The following TBC1D1 variants were observed in gnomAD, a reference collection of about 807,000 sequenced individuals.
The protein encoded by TBC1D1 is TBC1 (tre-2/USP6, BUB2, cdc16) domain family, member 1.
In TBC1D1, 89 loss-of-function variants were observed where a neutral mutation model predicts 125.6. The ratio of observed to expected loss-of-function variants is 0.71; its 90% CI spans 0.60 to 0.85. TBC1D1 has a LOEUF of 0.85. Among genes scored for constraint, TBC1D1 ranks in the 40% least tolerant of loss-of-function variants. The pLI, the probability that TBC1D1 is intolerant of heterozygous loss-of-function variation, is 0.00. For synonymous variants in TBC1D1, 565 were observed against 564.1 expected (o/e 1.00, Z -0.02); for missense variants, 1,377 against 1,469.2 (o/e 0.94, Z 1.03).
Position 37,966,966 on chromosome 4 carries a change from G to T in TBC1D1, c.418-47543G>T, listed in dbSNP as rs1731192003. On this transcript the variant is annotated intron_variant, in intron 2 of 19. Coordinates refer to ENST00000261439, the MANE Select transcript of TBC1D1 (RefSeq NM_015173.4). ...TCTTGTTGACATGCAAGTACCTGTG[G>T]CTTGGTGGACTTTTTGTAGGAATCT... is the stretch of plus-strand genomic sequence containing the variant. 3.3e-5 allele frequency among the ~76,000 whole-genome samples: 5 copies of T among 152,192 alleles called. No individual in the cohort carries two copies. The South Asian group carries it at 8.3e-4, about 25-fold the overall frequency.
intron 12 of TBC1D1, among the ~76,000 whole-genome samples, chr4:38,089,471 G>A (rs936130555): frequency 6.6e-6 from 1 of 152,140 alleles, no homozygotes; most frequent in Non-Finnish European, 1.5e-5. Context: ...GTGACATTAG[G>A]CAACTTACAT....
intron 6 of TBC1D1, among the ~76,000 whole-genome samples, chr4:38,023,844 T>C (rs1279279722): frequency 6.6e-6 from 1 of 152,230 alleles, no homozygotes; most frequent in African/African-American, 2.4e-5. Context: ...GAAATGAAAT[T>C]GCTAGGGTAT....
chr4:37,975,323 A>C (rs920900677), intron 2 of TBC1D1, among the ~76,000 whole-genome samples: 2 of 152,216 alleles, frequency 1.3e-5, no homozygotes, highest in Admixed American at 6.5e-5. Context: ...CTAATTTGCT[A>C]CTACTATCTA....
intron 2 of TBC1D1, among the ~76,000 whole-genome samples, chr4:37,927,715 T>C (rs1722408400): frequency 1.3e-5 from 2 of 152,290 alleles, no homozygotes; most frequent in Admixed American, 6.5e-5. Context: ...TCCTTATGCT[T>C]TTGTTTGGTT....
At chr4:38,075,378 A>G (rs1195783748) in intron 12 of TBC1D1, among the ~76,000 whole-genome samples, 2 of 152,186 alleles carry the variant, frequency 1.3e-5, no homozygotes, top group East Asian at 1.9e-4. Flanking sequence ...ATGGATACCT[A>G]AAAAGTATGC....
At chr4:38,089,884 AT>A in intron 12 of TBC1D1, 47 bp from the exon 15 acceptor site, 1 of 1,519,830 alleles carries the variant, frequency 6.6e-7, no homozygotes, top group Non-Finnish European at 8.8e-7. Context: ...TTGAATGTGC[AT>A]TTTTTGTTGA....
chr4:38,030,574 A>AT (rs1745940455), intron 7 of TBC1D1: 2 of 152,250 alleles, frequency 1.3e-5, no homozygotes, highest in South Asian at 4.1e-4. Flanking sequence ...TTTATAAAAC[A>AT]TTTTATAAAC....
chr4:38,133,359 C>A, intron 19 of TBC1D1, 102 bp downstream of exon 21: 2 of 993,502 alleles, frequency 2.0e-6, no homozygotes, highest in East Asian at 2.5e-5. Flanking sequence ...GACCAGAGGA[C>A]CTTTCCCACC....
At chr4:37,952,051 G>A in intron 2 of TBC1D1, 1 of 717,536 alleles carries the variant, frequency 1.4e-6, no homozygotes. Flanking sequence ...TGCCGGAGAA[G>A]GTGAGGAAGA....
Position 38,089,971 on chromosome 4 carries a change from T to C in TBC1D1, c.2090T>C (p.Leu697Ser). Residue 697 changes from leucine (L) to serine (S), a missense_variant, in exon 13 of 20, where the codon TTA becomes TCA. Leu to Ser is a moderately radical substitution (Grantham distance 145, BLOSUM62 -2). Coordinates refer to ENST00000261439, the MANE Select transcript of TBC1D1 (RefSeq NM_015173.4). ...GGAGAGCTTCCCCCACGATCTCCTT[T>C]AGAACCAGTTTGTGAAGATGGGCCC... is the stretch of plus-strand genomic sequence containing the variant. 1 of 1,613,340 alleles carries C rather than the reference T, an allele frequency of 6.2e-7. No individual in the cohort carries two copies. Among genetic ancestry groups the C allele is most frequent in the Non-Finnish European group, 8.5e-7 (1 of 1,179,758 alleles).
At chr4:37,980,485 A>C (rs2152365188) in intron 2 of TBC1D1, among the ~76,000 whole-genome samples, 1 of 152,356 alleles carries the variant, frequency 6.6e-6, no homozygotes, top group African/African-American at 2.4e-5. Flanking sequence ...TGTATCTGTT[A>C]GTCAAAACTG....
At chr4:37,969,840 C>G (rs1392111195) in intron 2 of TBC1D1, among the ~76,000 whole-genome samples, 1 of 152,236 alleles carries the variant, frequency 6.6e-6, no homozygotes, top group Non-Finnish European at 1.5e-5. Context: ...TCATCACCAT[C>G]TAATTCCAAA....
At chr4:37,960,771 GA>G in intron 2 of TBC1D1, 1 of 1,614,150 alleles carries the variant, frequency 6.2e-7, no homozygotes, top group Non-Finnish European at 8.5e-7. Context: ...CGCCTATCCA[GA>G]AATAGAAAAA....
In TBC1D1 at chr4:37,902,496, C is replaced by T; in HGVS notation, c.401C>T (p.Ala134Val). The change falls in exon 2 of 20, where the codon GCC (alanine) becomes GTC (valine). Residue 134 changes from alanine (A) to valine (V), a missense_variant. Transcript: ENST00000261439. Reference sequence around the variant, plus strand: ...CAGAGTATCTGCTATGTGTTCAAAGCCGATGATCAAACAAAAGTAAGTGAG... The same window carrying T: ...CAGAGTATCTGCTATGTGTTCAAAGTCGATGATCAAACAAAAGTAAGTGAG... 6.3e-7 allele frequency: 1 copy of T among 1,596,926 alleles called. No homozygotes were observed. Among genetic ancestry groups the T allele is most frequent in the Non-Finnish European group, 8.5e-7 (1 of 1,170,212 alleles).
intron 15 of TBC1D1, among the ~76,000 whole-genome samples, chr4:38,104,749 A>ATTTT (rs33994276): frequency 1.3e-5 from 2 of 148,662 alleles, no homozygotes; most frequent in South Asian, 2.1e-4. Flanking sequence ...CCTTAAGGTT[A>ATTTT]TTTTTTTTTT....
At chr4:38,005,324 G>A (rs573811566) in intron 2 of TBC1D1, among the ~76,000 whole-genome samples, 1 of 152,342 alleles carries the variant, frequency 6.6e-6, no homozygotes, top group South Asian at 2.1e-4. Flanking sequence ...ATTTGTTGTG[G>A]TTTAAATACA....
At chr4:38,091,237 A>C (rs1440079865) in intron 13 of TBC1D1, among the ~76,000 whole-genome samples, 1 of 152,238 alleles carries the variant, frequency 6.6e-6, no homozygotes, top group Non-Finnish European at 1.5e-5. Flanking sequence ...TCGACATGAA[A>C]GTAACCCCAC....
At chr4:37,939,926 C>G (rs1040991331) in intron 2 of TBC1D1, among the ~76,000 whole-genome samples, 1 of 152,128 alleles carries the variant, frequency 6.6e-6, no homozygotes, top group Non-Finnish European at 1.5e-5. Flanking sequence ...GTTACTGTAG[C>G]CTTGTAGTAC....
At chr4:38,111,284 C>T (rs1346326305) in intron 15 of TBC1D1, among the ~76,000 whole-genome samples, 3 of 152,196 alleles carry the variant, frequency 2.0e-5, no homozygotes, top group Non-Finnish European at 2.9e-5. Context: ...GGTGAGTTGT[C>T]GTGTTAGCCT....
Sources: allele counts gnomAD v4.1 joint callset (sites outside exome capture counted in the v4.1 genomes callset), GRCh38; gene constraint gnomAD v4.1.1; transcripts MANE v1.5; gene names NCBI Gene and HGNC (gene_info 2026-07-23, HGNC 2026-07-21).